Variants in EDEM3 observed in about 807,000 individuals in gnomAD.
EDEM3 encodes the protein ER degradation enhancing alpha-mannosidase like protein 3, also known as ER degradation-enhancing alpha-mannosidase-like protein 3.
A neutral mutation model predicts 110.2 loss-of-function variants in EDEM3; 60 were observed. That is an observed-to-expected ratio of 0.54 (90% CI 0.44 to 0.67). EDEM3 has a LOEUF of 0.67. EDEM3 is among the 30% of genes least tolerant of loss of function. The probability of loss-of-function intolerance (pLI) is 0.00; values close to 1 mark genes in which losing one functional copy is unlikely to be tolerated. For synonymous variants in EDEM3, 352 were observed against 382.9 expected (o/e 0.92, Z 0.94); for missense variants, 996 against 1,121.0 (o/e 0.89, Z 1.59).
chr1:184,707,392 A>G lies in EDEM3; in HGVS notation c.2038-584T>C, dbSNP rs531946162. On this transcript the variant is annotated intron_variant, in intron 17 of 19. Transcript: ENST00000318130. Reference sequence around the variant, plus strand: ...AATATCCTTCACTCTACTAAAATGTAAATTCCATAAGGGCATGGATCTTCA... The same window carrying G: ...AATATCCTTCACTCTACTAAAATGTGAATTCCATAAGGGCATGGATCTTCA... 3.0e-4 allele frequency among the ~76,000 whole-genome samples: 46 copies of G among 152,352 alleles called. No homozygotes were observed. The South Asian group carries it at 9.3e-3, about 31-fold the overall frequency.
At chr1:184,706,077 C>T (rs1168026301) in intron 18 of EDEM3, among the ~76,000 whole-genome samples, 1 of 152,070 alleles carries the variant, frequency 6.6e-6, no homozygotes. Flanking sequence ...TTAAACCTTA[C>T]AATCACCTAA....
intron 19 of EDEM3, among the ~76,000 whole-genome samples, chr1:184,695,362 T>C (rs1486245100): frequency 2.6e-5 from 4 of 151,994 alleles, no homozygotes; most frequent in Admixed American, 6.6e-5. Context: ...GAGAAAAAGA[T>C]ATTATACAAA....
chr1:184,728,743 G>A (rs1320452694), intron 6 of EDEM3, among the ~76,000 whole-genome samples: 1 of 151,906 alleles, frequency 6.6e-6, no homozygotes, highest in Non-Finnish European at 1.5e-5. Flanking sequence ...CCAAGCAGCT[G>A]GAATTACAGG....
chr1:184,701,273 G>A (rs925003591), intron 19 of EDEM3, among the ~76,000 whole-genome samples: 2 of 151,972 alleles, frequency 1.3e-5, no homozygotes, highest in Admixed American at 1.3e-4. Context: ...ACTCTTGTAT[G>A]GACATAGACA....
chr1:184,749,034 C>G (rs184942509), intron 2 of EDEM3, among the ~76,000 whole-genome samples: 1 of 152,108 alleles, frequency 6.6e-6, no homozygotes, highest in African/African-American at 2.4e-5. Context: ...ACTGAAACTG[C>G]TATTTAATCT....
intron 5 of EDEM3, among the ~76,000 whole-genome samples, chr1:184,733,823 T>C (rs1460927895): frequency 1.4e-5 from 2 of 146,378 alleles, no homozygotes; most frequent in East Asian, 4.0e-4. Flanking sequence ...CGAGAGTCTG[T>C]CTCCAAAAAA....
rs141174283 is a variant in EDEM3 at position 184,752,277 on chromosome 1, A to G, written c.158+2212T>C. ...GAGCAATTGCTTACTATTCATGACA[A>G]TTCCAGTCTTTATCAACTATTTGGT... On this transcript the variant is annotated intron_variant, in intron 1 of 19. Transcript: ENST00000318130. Among the ~76,000 whole-genome samples, 15 of 152,278 alleles carry G rather than the reference A, an allele frequency of 9.9e-5. No individual in the cohort carries two copies. In the East Asian group the frequency reaches 2.7e-3, roughly 27 times the overall value.
rs1650304774 is a variant in EDEM3, at chr1:184,712,513, C to G, written c.1456G>C (p.Asp486His). 6.2e-7 allele frequency: 1 copy of G among 1,604,012 alleles called. No homozygotes were observed. Among genetic ancestry groups the G allele is most frequent in the Admixed American group, 1.7e-5 (1 of 58,584 alleles). ...TGAGCTTCTGTTGTAAAGATGTAAT[C>G]TTCTATGTCAAAAATAATGTCTTCT... Reference protein sequence around the residue: ...DKEDIIFDIEDYIFTTEAHLL... With the variant: ...DKEDIIFDIEHYIFTTEAHLL... Residue 486 changes from aspartate (D) to histidine (H), a missense_variant, in exon 14 of 20, where the codon GAT becomes CAT. Asp to His is a moderately conservative substitution (Grantham distance 81). This residue lies in a region of EDEM3 where 138 missense variants were observed against 124.3 expected (regional missense o/e 1.11). Coordinates refer to ENST00000318130, the MANE Select transcript of EDEM3 (RefSeq NM_025191.4).
intron 19 of EDEM3, 57 bp from the exon 20 acceptor site, chr1:184,694,529 C>T: frequency 1.4e-6 from 2 of 1,453,288 alleles, no homozygotes; most frequent in East Asian, 2.3e-5. Flanking sequence ...TACTATTACA[C>T]TTTCCAAAGC....
At chr1:184,713,536 T>C (rs781032207) in intron 13 of EDEM3, among the ~76,000 whole-genome samples, 1 of 152,192 alleles carries the variant, frequency 6.6e-6, no homozygotes, top group Non-Finnish European at 1.5e-5. Flanking sequence ...CAAAGCATCA[T>C]AGGTTTTGGC....
rs1649190058 is a variant in EDEM3 at position 184,693,842 on chromosome 1, G to A, written c.*221C>T. 4.0e-6 allele frequency: 2 copies of A among 498,844 alleles called. No homozygotes were observed. The highest frequency in any genetic ancestry group is 7.1e-6 in the Non-Finnish European group (2 of 281,670). The allele number at this position is 498,844 out of a possible 1,614,324, so 30.9% of individuals were successfully genotyped here. A position where few individuals can be genotyped will look rare whatever the true frequency, so the allele number is the denominator to read the frequency against. Reference sequence around the variant, plus strand: ...GTGGTGCAGTGCTGCATTTGAAGGGGGAACTGTGGATTTCCATTTTTGATG... The same window carrying A: ...GTGGTGCAGTGCTGCATTTGAAGGGAGAACTGTGGATTTCCATTTTTGATG... On this transcript the variant is annotated 3_prime_UTR_variant, in exon 20 of 20. Coordinates refer to ENST00000318130, the MANE Select transcript of EDEM3 (RefSeq NM_025191.4).
At chr1:184,747,421 T>A (rs1212015649) in intron 2 of EDEM3, among the ~76,000 whole-genome samples, 1 of 152,208 alleles carries the variant, frequency 6.6e-6, no homozygotes, top group Non-Finnish European at 1.5e-5. Context: ...GGCAACTGTA[T>A]TCTCGTTAAT....
chr1:184,720,327 G>T lies in EDEM3; in HGVS notation c.952-759C>A, dbSNP rs1171577718. ...CACTATTATTGAATATTGGCCATAGGTTAAAGGCACTGCTCTAATCACTTT... is the reference window on the plus strand; with the variant it reads ...CACTATTATTGAATATTGGCCATAGTTTAAAGGCACTGCTCTAATCACTTT... On this transcript the variant is annotated intron_variant, in intron 9 of 19. Transcript: ENST00000318130. Among the ~76,000 whole-genome samples, 4 of 151,808 alleles carry T rather than the reference G, an allele frequency of 2.6e-5. No homozygotes were observed. In the South Asian group the frequency reaches 8.3e-4, roughly 32 times the overall value.
At chr1:184,704,299 T>C (rs1214885568) in intron 18 of EDEM3, among the ~76,000 whole-genome samples, 1 of 152,036 alleles carries the variant, frequency 6.6e-6, no homozygotes, top group Non-Finnish European at 1.5e-5. Flanking sequence ...AAAAACAAAA[T>C]GCTTTGTCAG....
At chr1:184,694,589 T>A in intron 19 of EDEM3, 117 bp from the exon 20 acceptor site, 1 of 992,340 alleles carries the variant, frequency 1.0e-6, no homozygotes. Context: ...AGACTCATGT[T>A]AATGCAGAAA....
intron 6 of EDEM3, among the ~76,000 whole-genome samples, chr1:184,728,772 G>A (rs1165504430): frequency 6.6e-6 from 1 of 151,992 alleles, no homozygotes; most frequent in Non-Finnish European, 1.5e-5. Context: ...ACTACATCCA[G>A]CTAATTTTTG....
In EDEM3 at chr1:184,711,794, C is replaced by T. The variant is rs766853402; in HGVS notation, c.1620G>A (p.Leu540=). 4.3e-5 allele frequency: 70 copies of T among 1,613,446 alleles called. 1 individual carries two copies. In the South Asian group the frequency reaches 5.7e-4, roughly 13 times the overall value. ...AGGGCTCACGAATACTTTGAGCATA[C>T]AATGGGTCATTAGGAAAGAGGATCT... The part of the protein sequence containing the change: ...NTQILFPNDP[L]YAQSIREPLK... Residue 540 remains leucine, a synonymous_variant, in exon 15 of 20, where the codon TTG becomes TTA. Coordinates refer to ENST00000318130, the MANE Select transcript of EDEM3 (RefSeq NM_025191.4).
intron 2 of EDEM3, among the ~76,000 whole-genome samples, chr1:184,744,338 A>G (rs1416578991): frequency 6.8e-6 from 1 of 147,216 alleles, no homozygotes; most frequent in Non-Finnish European, 1.5e-5. Flanking sequence ...GTCATTAATC[A>G]TCAGGAAAAA....
chr1:184,723,840 G>A lies in EDEM3; in HGVS notation c.764C>T (p.Ala255Val). ...TCTTTTTTCCCAGAGAAAATCAAGA[G>A]CTTTTCTGGCATATTCCTGTAATTT... ...ATIFEEYARK[A>V]LDFLWEKRQR... is the part of the protein sequence containing the mutation. Residue 255 changes from alanine (A) to valine (V), a missense_variant, in exon 8 of 20, where the codon GCT becomes GTT. This residue lies in a region of EDEM3 where 310 missense variants were observed against 394.6 expected (regional missense o/e 0.79). Transcript: ENST00000318130. The A allele has an allele frequency of 6.6e-7, 1 of 1,514,950 alleles. No individual in the cohort carries two copies. Among genetic ancestry groups the A allele is most frequent in the African/African-American group, 1.6e-5 (1 of 64,174 alleles). The allele number at this position is 1,514,950 out of a possible 1,614,324, so 93.8% of individuals were successfully genotyped here.
Sources: gnomAD v4.1 joint callset for allele counts (sites outside exome capture counted in the v4.1 genomes callset) on GRCh38, gnomAD v4.1.1 for gene constraint, gnomAD v4.1.1 regional missense constraint, MANE v1.5 for transcripts, NCBI Gene and HGNC (gene_info 2026-07-23, HGNC 2026-07-21) for gene names.